The following LIPC variants were observed in gnomAD, a reference collection of about 807,000 sequenced individuals.
LIPC encodes the protein hepatic triacylglycerol lipase.
Under a neutral mutation model 50.7 loss-of-function variants are expected in LIPC, and 44 were observed. That is an observed-to-expected ratio of 0.87 (90% CI 0.68 to 1.11). LIPC has a LOEUF of 1.11. LIPC is among the 50% of genes most tolerant of loss of function. LIPC has a pLI of 0.00. For missense variants in LIPC, 697 were observed against 648.2 expected (o/e 1.08, Z -0.82); for synonymous variants, 271 against 256.4 (o/e 1.06, Z -0.54).
At chr15:58,446,985 T>C (rs555459365) in intron 1 of LIPC, among the ~76,000 whole-genome samples, 1 of 151,700 alleles carries the variant, frequency 6.6e-6, no homozygotes, top group South Asian at 2.1e-4. Context: ...CCTTCTCTAC[T>C]AAAGATACAA....
intron 1 of LIPC, among the ~76,000 whole-genome samples, chr15:58,484,634 ACAGC>A (rs1272313275): frequency 2.6e-5 from 4 of 152,268 alleles, no homozygotes; most frequent in African/African-American, 9.6e-5. Flanking sequence ...CCAAGGTTAC[ACAGC>A]CAGTCAGCTC....
At chr15:58,539,531 C>T (rs1330852769) in intron 2 of LIPC, among the ~76,000 whole-genome samples, 3 of 152,152 alleles carry the variant, frequency 2.0e-5, no homozygotes, top group African/African-American at 7.2e-5. Flanking sequence ...GTCTAGCCCA[C>T]CCATGATTTC....
intron 1 of LIPC, among the ~76,000 whole-genome samples, chr15:58,519,316 CAGG>C (rs1892581183): frequency 6.6e-6 from 1 of 150,790 alleles, no homozygotes; most frequent in Admixed American, 6.6e-5. Flanking sequence ...GAGGCCAAAG[CAGG>C]AGAATGGCGT....
intron 1 of LIPC, among the ~76,000 whole-genome samples, chr15:58,432,705 C>A (rs955274154): frequency 6.6e-6 from 1 of 152,156 alleles, no homozygotes; most frequent in African/African-American, 2.4e-5. Context: ...AGATTGATGG[C>A]GAAAGACAGA....
chr15:58,501,633 C>A (rs1274350505), intron 1 of LIPC, among the ~76,000 whole-genome samples: 1 of 152,150 alleles, frequency 6.6e-6, no homozygotes, highest in Non-Finnish European at 1.5e-5. Context: ...GGCCTAATCA[C>A]AAGGAAGAGT....
At chr15:58,463,603 C>T (rs1894430187) in intron 1 of LIPC, among the ~76,000 whole-genome samples, 1 of 152,204 alleles carries the variant, frequency 6.6e-6, no homozygotes, top group Admixed American at 6.5e-5. Context: ...CTCCTCTAAC[C>T]AGGAAAGAAA....
chr15:58,518,092 G>C (rs1401138018), intron 1 of LIPC, among the ~76,000 whole-genome samples: 1 of 152,174 alleles, frequency 6.6e-6, no homozygotes, highest in Non-Finnish European at 1.5e-5. Flanking sequence ...TTAACATTTG[G>C]GGCTGGATAA....
chr15:58,463,411 C>G (rs1195617501), intron 1 of LIPC, among the ~76,000 whole-genome samples: 11 of 152,186 alleles, frequency 7.2e-5, no homozygotes, highest in African/African-American at 2.2e-4. Context: ...AGAAACTGCT[C>G]TGCTCTTTTA....
chr15:58,525,553 C>T (rs1426878950), intron 1 of LIPC, among the ~76,000 whole-genome samples: 1 of 152,164 alleles, frequency 6.6e-6, no homozygotes, highest in Non-Finnish European at 1.5e-5. Flanking sequence ...CAGCCCACTC[C>T]CCAAACAAGG....
rs569495342 is a variant in LIPC at position 58,542,040 on chromosome 15, C to T, written c.456+73C>T. ...TTCCTCTGAGAGTGAATGAATTAAG[C>T]TGGTCTCCAACAGCAGCCCAGGCAG... is the stretch of plus-strand genomic sequence containing the variant. On this transcript the variant is annotated intron_variant, in intron 3 of 8. Transcript: ENST00000299022. The T allele has an allele frequency of 2.1e-5, 31 of 1,496,648 alleles. No individual in the cohort carries two copies. The African/African-American group carries it at 4.1e-4, about 20-fold the overall frequency. 92.7% of individuals were successfully genotyped at this position (1,496,648 alleles called of 1,614,324 possible).
chr15:58,567,746 A>C (rs1894439713), intron 8 of LIPC, among the ~76,000 whole-genome samples: 1 of 4,204 alleles, frequency 2.4e-4, no homozygotes, highest in Admixed American at 6.5e-3. Context: ...ATTTTCTGGT[A>C]ACAGGAAAAA....
intron 1 of LIPC, among the ~76,000 whole-genome samples, chr15:58,438,195 C>T (rs578201377): frequency 2.6e-5 from 4 of 152,256 alleles, no homozygotes; most frequent in South Asian, 2.1e-4. Context: ...CACAGTGCTG[C>T]GGGCATGCTG....
At chr15:58,519,410 CAAAAAA>C (rs11432168) in intron 1 of LIPC, among the ~76,000 whole-genome samples, 2 of 131,882 alleles carry the variant, frequency 1.5e-5, no homozygotes, top group Non-Finnish European at 3.1e-5. Flanking sequence ...GACTCTGTCT[CAAAAAA>C]AAAAAAAAGA....
chr15:58,527,032 G>A (rs1223386863), intron 1 of LIPC, among the ~76,000 whole-genome samples: 10 of 152,212 alleles, frequency 6.6e-5, no homozygotes, highest in Non-Finnish European at 1.2e-4. Flanking sequence ...AAACTGTCGG[G>A]TACCTGCCCG....
At position 58,521,036 on chromosome 15, in the gene LIPC, G is replaced by A. The variant is rs534878274; in HGVS notation, c.89-17297G>A. 2.6e-5 allele frequency among the ~76,000 whole-genome samples: 4 copies of A among 151,696 alleles called. No homozygotes were observed. In the East Asian group the frequency reaches 7.8e-4, roughly 29 times the overall value. On this transcript the variant is annotated intron_variant, in intron 1 of 8. Coordinates refer to ENST00000299022, the MANE Select transcript of LIPC (RefSeq NM_000236.3). ...AATATCCGGAACTTGCTTGTTGTCTGTTGGTGCCTTTCTTTCAGCTCATTC... is the reference window on the plus strand; with the variant it reads ...AATATCCGGAACTTGCTTGTTGTCTATTGGTGCCTTTCTTTCAGCTCATTC...
At position 58,545,935 on chromosome 15, in the gene LIPC, C is replaced by A. The variant is rs1456332277; in HGVS notation, c.768C>A (p.Phe256Leu). 51 of 1,614,084 alleles carry A rather than the reference C, an allele frequency of 3.2e-5. No individual in the cohort carries two copies. The highest frequency in any genetic ancestry group is 4.3e-5 in the Non-Finnish European group (51 of 1,180,020). ...GCTCCTTCCAGCCTGGCTGCCACTT[C>A]CTAGAGCTCTACAGACATATTGCCC... ...NGGSFQPGCH[F>L]LELYRHIAQH... Residue 256 changes from phenylalanine (F) to leucine (L), a missense_variant, in exon 5 of 9, where the codon TTC becomes TTA. Coordinates refer to ENST00000299022, the MANE Select transcript of LIPC (RefSeq NM_000236.3).
intron 1 of LIPC, among the ~76,000 whole-genome samples, chr15:58,516,174 A>G (rs1294765329): frequency 6.7e-6 from 1 of 149,392 alleles, no homozygotes; most frequent in Non-Finnish European, 1.5e-5. Context: ...GTTTCTGGGA[A>G]GACGTCTATT....
At position 58,569,757 on chromosome 15, in the gene LIPC, G is replaced by A. The variant is rs1236979613; in HGVS notation, c.*930G>A. ...AAACCAGGAAGTTGACCCTCACCTG[G>A]AAGTAGACTACCAGATCTGCTGGCA... On this transcript the variant is annotated 3_prime_UTR_variant, in exon 9 of 9. Transcript: ENST00000299022. The A allele has an allele frequency of 6.4e-6, 1 of 155,370 alleles. No individual in the cohort carries two copies. Among genetic ancestry groups the A allele is most frequent in the Non-Finnish European group, 1.4e-5 (1 of 70,674 alleles). The allele number at this position is 155,370 out of a possible 1,614,324, so 9.6% of individuals were successfully genotyped here. A position where few individuals can be genotyped will look rare whatever the true frequency, so the allele number is the denominator to read the frequency against.
chr15:58,568,307 A>C (rs1216978389), intron 8 of LIPC, among the ~76,000 whole-genome samples: 3 of 152,210 alleles, frequency 2.0e-5, no homozygotes, highest in African/African-American at 7.2e-5. Flanking sequence ...GAGCTTGTCC[A>C]AGGAGGGAAG....
Sources: gnomAD v4.1 joint callset for allele counts (sites outside exome capture counted in the v4.1 genomes callset) on GRCh38, gnomAD v4.1.1 for gene constraint, MANE v1.5 for transcripts, NCBI Gene and HGNC (gene_info 2026-07-23, HGNC 2026-07-21) for gene names.